PPP2R5C: variants seen among roughly 807,000 people sequenced by gnomAD.
The protein encoded by PPP2R5C is protein phosphatase 2 regulatory subunit B'gamma.
In PPP2R5C, 7 loss-of-function variants were observed where a neutral mutation model predicts 68.9. The observed-to-expected ratio is 0.10, with a 90% confidence interval of 0.06 to 0.19. PPP2R5C has a LOEUF of 0.19. PPP2R5C is among the 10% of genes least tolerant of loss of function. The pLI is 1.00. For synonymous variants in PPP2R5C, 210 were observed against 222.2 expected (o/e 0.95, Z 0.49); for missense variants, 348 against 641.3 (o/e 0.54, Z 4.94).
chr14:101,911,871 G>A (rs2046411729), intron 11 of PPP2R5C, among the ~76,000 whole-genome samples: 1 of 147,614 alleles, frequency 6.8e-6, no homozygotes, highest in Non-Finnish European at 1.5e-5. Context: ...GCGACAGAGT[G>A]AGGCCCTGTC....
chr14:101,882,411 A>G lies in PPP2R5C; in HGVS notation c.405+140A>G, dbSNP rs1337748044. On this transcript the variant is annotated intron_variant, in intron 3 of 13. Transcript: ENST00000334743. This position sits in a 1 kb window ranked among gnomAD's most constrained non-coding sequence, Gnocchi z 4.9. ...TGGGCCTCGTAAACCCATATGTACA[A>G]GAAAAATATTTCAGCAGAATAAAGT... 8.6e-5 allele frequency: 48 copies of G among 559,772 alleles called. No individual in the cohort carries two copies. The highest frequency in any genetic ancestry group is 7.6e-5 in the Non-Finnish European group (24 of 315,410). 34.7% of individuals were successfully genotyped at this position (559,772 alleles called of 1,614,324 possible).
chr14:101,874,450 C>T (rs568135202), intron 2 of PPP2R5C, among the ~76,000 whole-genome samples: 15 of 152,234 alleles, frequency 9.9e-5, no homozygotes, highest in African/African-American at 2.4e-4. Flanking sequence ...AGAATCTATA[C>T]GAAACTAATC....
intron 9 of PPP2R5C, among the ~76,000 whole-genome samples, chr14:101,902,541 A>G (rs906034579): frequency 1.3e-5 from 2 of 152,158 alleles, no homozygotes; most frequent in African/African-American, 4.8e-5. Context: ...TTGTGCACTC[A>G]TCATGAACAA....
At chr14:101,869,963 T>C (rs1300899567) in intron 2 of PPP2R5C, among the ~76,000 whole-genome samples, 3 of 152,018 alleles carry the variant, frequency 2.0e-5, no homozygotes, top group African/African-American at 7.2e-5. Flanking sequence ...AAGCATTTTT[T>C]CCCTGCGCTT....
intron 1 of PPP2R5C, chr14:101,820,547 T>C (rs1365220327): frequency 1.3e-5 from 2 of 152,254 alleles, no homozygotes; most frequent in African/African-American, 4.8e-5. Context: ...TAAGGAACTA[T>C]CACTTGTTGA....
rs190683233 is a variant in PPP2R5C, at chr14:101,826,486, G to T, written c.94+16450G>T. 2.3e-3 allele frequency among the ~76,000 whole-genome samples: 350 copies of T among 152,246 alleles called. 1 individual carries two copies. The highest frequency in any genetic ancestry group is 4.4e-3 in the Non-Finnish European group (302 of 68,018). ...TATTTCTGGATTCTCTATTCCATTG[G>T]TCTGTATGTCTGTCCTTATGTCTGT... On this transcript the variant is annotated intron_variant, in intron 1 of 13. Coordinates refer to ENST00000334743, the Ensembl canonical transcript of PPP2R5C.
chr14:101,847,922 A>G (rs938278685), intron 1 of PPP2R5C, among the ~76,000 whole-genome samples: 23 of 151,998 alleles, frequency 1.5e-4, no homozygotes, highest in Non-Finnish European at 5.9e-5. Context: ...CGGCCTTCCA[A>G]AGTGCTGGGA....
At chr14:101,844,803 A>C (rs560892631) in intron 1 of PPP2R5C, among the ~76,000 whole-genome samples, 2 of 152,366 alleles carry the variant, frequency 1.3e-5, no homozygotes, top group African/African-American at 4.8e-5. Flanking sequence ...TCAAATGTTA[A>C]GAGCTGTTAC....
intron 1 of PPP2R5C, among the ~76,000 whole-genome samples, chr14:101,821,440 G>GTGTGTGT (rs1566869921): frequency 6.1e-5 from 8 of 132,012 alleles, no homozygotes; most frequent in African/African-American, 2.2e-4. Flanking sequence ...CCCTGTGGGG[G>GTGTGTGT]GTGGGTGGGT....
chr14:101,762,004 G>A, intron 1 of PPP2R5C, 84 bp downstream of exon 1: 2 of 1,138,546 alleles, frequency 1.8e-6, no homozygotes, highest in Non-Finnish European at 2.2e-6. Context: ...TCCTGCGCCC[G>A]GGCCCCGGCT....
At chr14:101,810,145 C>A in intron 1 of PPP2R5C, 1 of 1,027,322 alleles carries the variant, frequency 9.7e-7, no homozygotes, top group Non-Finnish European at 1.5e-6. Context: ...AGAATTCACC[C>A]CATTTCGCTG....
At chr14:101,925,325 T>C in exon 14 of PPP2R5C, 1 of 1,602,096 alleles carries the variant, frequency 6.2e-7, no homozygotes, top group Non-Finnish European at 8.5e-7. Flanking sequence ...CCGGATTCTG[T>C]AGAAAATACA....
rs1021656513 is a variant in PPP2R5C at position 101,888,506 on chromosome 14, G to A, written c.630-1731G>A. On this transcript the variant is annotated intron_variant, in intron 5 of 13. Coordinates refer to ENST00000334743, the Ensembl canonical transcript of PPP2R5C. This position sits in a 1 kb window ranked among gnomAD's most constrained non-coding sequence, Gnocchi z 5.6. ...TTAGGCTTTGGCCACCTGCATTGTT[G>A]TGCTACTGGGTCTCCCTGCTAAAGG... 5.9e-5 allele frequency among the ~76,000 whole-genome samples: 9 copies of A among 152,120 alleles called. No homozygotes were observed. The highest frequency in any genetic ancestry group is 1.9e-4 in the East Asian group (1 of 5,184).
intron 9 of PPP2R5C, among the ~76,000 whole-genome samples, chr14:101,903,015 G>GTTTTT (rs72219666): frequency 7.6e-6 from 1 of 130,726 alleles, no homozygotes; most frequent in Non-Finnish European, 1.6e-5. Context: ...TATGTTTTGG[G>GTTTTT]TTTTTTTTTT....
chr14:101,798,011 C>G (rs1381313366), intron 3 of PPP2R5C, among the ~76,000 whole-genome samples: 1 of 152,122 alleles, frequency 6.6e-6, no homozygotes, highest in Non-Finnish European at 1.5e-5. Flanking sequence ...CCCTGGCAGC[C>G]TTTGAACATA....
chr14:101,890,934 G>A (rs890796219), intron 6 of PPP2R5C, among the ~76,000 whole-genome samples: 1 of 151,742 alleles, frequency 6.6e-6, no homozygotes, highest in Non-Finnish European at 1.5e-5. Flanking sequence ...CACCATGCCT[G>A]GCTAATTTTT....
At position 101,912,662 on chromosome 14, in the gene PPP2R5C, C is replaced by T. The variant is rs555696127; in HGVS notation, c.1326+189C>T. 1.2e-3 allele frequency: 1,408 copies of T among 1,202,296 alleles called. 5 individuals carry two copies. The highest frequency in any genetic ancestry group is 1.4e-3 in the Non-Finnish European group (1,302 of 938,436). 74.5% of individuals were successfully genotyped at this position (1,202,296 alleles called of 1,614,324 possible). ...TACAAGTACTTATTTTGCCCCATAT[C>T]GTTTTACCACAGAATTGACTTTTTT... On this transcript the variant is annotated intron_variant, in intron 12 of 13. Transcript: ENST00000334743.
intron 3 of PPP2R5C, among the ~76,000 whole-genome samples, chr14:101,799,862 T>A (rs2038785013): frequency 6.6e-6 from 1 of 152,266 alleles, no homozygotes; most frequent in South Asian, 2.1e-4. Context: ...TCAGACTTTC[T>A]TGGTTCTCAT....
intron 1 of PPP2R5C, among the ~76,000 whole-genome samples, chr14:101,848,190 A>G (rs993329800): frequency 1.3e-5 from 2 of 152,240 alleles, no homozygotes; most frequent in Non-Finnish European, 2.9e-5. Flanking sequence ...TCAAAAAATT[A>G]GAAGCTTAAA....
Sources: gnomAD v4.1 joint callset for allele counts (sites outside exome capture counted in the v4.1 genomes callset) on GRCh38, gnomAD v4.1.1 for gene constraint, Gnocchi (gnomAD v3.1) non-coding constraint, MANE v1.5 for transcripts, NCBI Gene and HGNC (gene_info 2026-07-23, HGNC 2026-07-21) for gene names.